The following HTR1E variants were observed in gnomAD, a reference collection of about 807,000 sequenced individuals.
The protein encoded by HTR1E is 5-hydroxytryptamine receptor 1E, also known as 5-HT-1E.
A neutral mutation model predicts 3.4 loss-of-function variants in HTR1E; 3 were observed. That is an observed-to-expected ratio of 0.89 (90% confidence interval 0.41 to 2.31). The LOEUF is 2.31. Ranked by LOEUF, HTR1E falls within the 30% of genes most tolerant of loss-of-function variation. HTR1E has a pLI of 0.05. For synonymous variants in HTR1E, 170 were observed against 182.8 expected, an observed-to-expected ratio of 0.93 and a Z score of 0.56; for missense variants, 392 against 467.0, an observed-to-expected ratio of 0.84 and a Z score of 1.48.
At chr6:86,940,679 G>A (rs1269688015) in intron 1 of HTR1E, among the ~76,000 whole-genome samples, 1 of 151,968 alleles carries the variant, frequency 6.6e-6, no homozygotes, top group African/African-American at 2.4e-5. Flanking sequence ...TTTCATGTTT[G>A]TTTTGATTGC....
intron 1 of HTR1E, among the ~76,000 whole-genome samples, chr6:86,969,753 C>T (rs138250528): frequency 2.6e-5 from 4 of 152,308 alleles, no homozygotes; most frequent in Admixed American, 6.5e-5. Context: ...AGGTCCCACA[C>T]GTGACCTAGG....
chr6:86,978,013 C>T (rs1582269402), intron 1 of HTR1E, among the ~76,000 whole-genome samples: 1 of 152,078 alleles, frequency 6.6e-6, no homozygotes, highest in South Asian at 2.1e-4. Flanking sequence ...TTGATAGTGT[C>T]TTTTACTCAC....
Position 87,015,295 on chromosome 6 carries a change from C to A in HTR1E, c.-40C>A. On this transcript the variant is annotated 5_prime_UTR_variant, in exon 2 of 2. Transcript: ENST00000305344. ...ATAGTTTTCAGCCAAAGGAAAATAA[C>A]CAACAGCTTCTCCACAGTGTAGACT... 6.8e-7 allele frequency: 1 copy of A among 1,465,830 alleles called. No homozygotes were observed. Among genetic ancestry groups the A allele is most frequent in the African/African-American group, 1.4e-5 (1 of 70,984 alleles). The allele number at this position is 1,465,830 out of a possible 1,614,324, so 90.8% of individuals were successfully genotyped here.
chr6:86,970,113 C>G (rs750940713), intron 1 of HTR1E, among the ~76,000 whole-genome samples: 3 of 152,202 alleles, frequency 2.0e-5, no homozygotes, highest in Non-Finnish European at 4.4e-5. Context: ...ACTGCAACTT[C>G]TTAACAGCTC....
chr6:86,956,588 C>T (rs1204484865), intron 1 of HTR1E, among the ~76,000 whole-genome samples: 1 of 152,140 alleles, frequency 6.6e-6, no homozygotes, highest in Non-Finnish European at 1.5e-5. Flanking sequence ...TTGATGTCTG[C>T]TTGTAACTTC....
intron 1 of HTR1E, among the ~76,000 whole-genome samples, chr6:86,977,561 G>A (rs1360511232): frequency 3.9e-5 from 6 of 152,178 alleles, no homozygotes; most frequent in Non-Finnish European, 7.3e-5. Context: ...TAATGGGATT[G>A]CTGGGTCTAA....
At chr6:86,997,590 A>G (rs994195903) in intron 1 of HTR1E, among the ~76,000 whole-genome samples, 3 of 151,894 alleles carry the variant, frequency 2.0e-5, no homozygotes, top group African/African-American at 7.2e-5. Flanking sequence ...GCCATTTGCA[A>G]TTATTCTAAA....
chr6:86,942,683 A>G (rs1768562337), intron 1 of HTR1E, among the ~76,000 whole-genome samples: 1 of 152,248 alleles, frequency 6.6e-6, no homozygotes, highest in South Asian at 2.1e-4. Flanking sequence ...CATATTGGCA[A>G]GCATATTTTA....
At chr6:86,979,711 C>CA (rs994668658) in intron 1 of HTR1E, among the ~76,000 whole-genome samples, 9 of 150,724 alleles carry the variant, frequency 6.0e-5, no homozygotes, top group African/African-American at 9.7e-5. Context: ...AGACACAATC[C>CA]AAAAAAAAGG....
At chr6:86,957,775 G>GA (rs1440777431) in intron 1 of HTR1E, among the ~76,000 whole-genome samples, 4 of 151,996 alleles carry the variant, frequency 2.6e-5, no homozygotes, top group Non-Finnish European at 2.9e-5. Context: ...TTGTTAAATG[G>GA]AAAAAAAGGG....
At position 87,010,266 on chromosome 6, in the gene HTR1E, C is replaced by T. The variant is rs1269002445; in HGVS notation, c.-185-4884C>T. 5.0e-4 allele frequency among the ~76,000 whole-genome samples: 57 copies of T among 114,316 alleles called. 1 individual carries two copies. Among genetic ancestry groups the T allele is most frequent in the Non-Finnish European group, 8.6e-5 (5 of 57,876 alleles). 75.0% of individuals were successfully genotyped at this position (114,316 alleles called of 152,430 possible). A position where few individuals can be genotyped will look rare whatever the true frequency, so the allele number is the denominator to read the frequency against. On this transcript the variant is annotated intron_variant, in intron 1 of 1. Transcript: ENST00000305344. ...TCACTTCTCAGTAGGGGCGGCCGGGCAGAGGTGCCCCTCACCTCCCGGACG... is the reference window on the plus strand; with the variant it reads ...TCACTTCTCAGTAGGGGCGGCCGGGTAGAGGTGCCCCTCACCTCCCGGACG...
chr6:86,947,624 G>A (rs368986798), intron 1 of HTR1E, among the ~76,000 whole-genome samples: 261 of 151,574 alleles, frequency 1.7e-3, no homozygotes, highest in African/African-American at 6.1e-3. Flanking sequence ...CTCTCTATAG[G>A]GAGAAAAGAG....
intron 1 of HTR1E, among the ~76,000 whole-genome samples, chr6:87,005,986 T>C (rs77099160): frequency 0.13 from 20,285 of 152,176 alleles, 2,191 homozygotes; most frequent in African/African-American, 0.29. Flanking sequence ...AGGTCTTCAA[T>C]ATCACTGATC....
intron 1 of HTR1E, among the ~76,000 whole-genome samples, chr6:86,989,744 T>C (rs796680168): frequency 5.9e-5 from 9 of 152,120 alleles, no homozygotes; most frequent in African/African-American, 1.9e-4. Context: ...ATTTTACAGA[T>C]AGGGAAACAG....
rs527351795 is a variant in HTR1E at position 87,012,078 on chromosome 6, T to C, written c.-185-3072T>C. ...ATGGGGTTCCCAACCTTAGGACATTTCCTAAGCGTGTTACGGAAGCAGTCT... is the reference window on the plus strand; with the variant it reads ...ATGGGGTTCCCAACCTTAGGACATTCCCTAAGCGTGTTACGGAAGCAGTCT... On this transcript the variant is annotated intron_variant, in intron 1 of 1. Transcript: ENST00000305344. Among the ~76,000 whole-genome samples the C allele has an allele frequency of 5.3e-5, 8 of 151,344 alleles. No individual in the cohort carries two copies. The South Asian group carries it at 1.7e-3, about 31-fold the overall frequency.
At chr6:86,955,744 G>GTA (rs1003461087) in intron 1 of HTR1E, among the ~76,000 whole-genome samples, 2 of 151,782 alleles carry the variant, frequency 1.3e-5, no homozygotes, top group Non-Finnish European at 2.9e-5. Context: ...GTGTGTGTGT[G>GTA]TATGTATGTG....
intron 1 of HTR1E, among the ~76,000 whole-genome samples, chr6:86,947,494 A>C (rs139799042): frequency 6.3e-4 from 96 of 152,084 alleles, no homozygotes; most frequent in African/African-American, 2.3e-3. Flanking sequence ...TCACATGTTC[A>C]TTGTAGAAAA....
rs754167574 is a variant in HTR1E, at chr6:87,015,780, T to A, written c.446T>A (p.Ile149Asn). Residue 149 changes from isoleucine to asparagine, a missense_variant, in exon 2 of 2, where the codon ATC becomes AAC. Ile to Asn is a moderately radical substitution (Grantham distance 149). This residue lies in a region of HTR1E where 189 missense variants were observed against 258.0 expected (regional missense o/e 0.73). Coordinates refer to ENST00000305344, the MANE Select transcript of HTR1E (RefSeq NM_000865.3). ...CTGATGATCCTTACCGTCTGGACCA[T>A]CTCCATTTTCATCTCCATGCCCCCT... ...AALMILTVWTISIFISMPPLF... is the reference protein window; with the variant it reads ...AALMILTVWTNSIFISMPPLF... 2 of 1,610,724 alleles carry A rather than the reference T, an allele frequency of 1.2e-6. No homozygotes were observed. Among genetic ancestry groups the A allele is most frequent in the South Asian group, 2.2e-5 (2 of 90,552 alleles).
At chr6:86,966,630 G>A (rs906586116) in intron 1 of HTR1E, among the ~76,000 whole-genome samples, 1 of 152,196 alleles carries the variant, frequency 6.6e-6, no homozygotes, top group Non-Finnish European at 1.5e-5. Flanking sequence ...GTACAGGGGT[G>A]TGTAAGACGG....
Sources: gnomAD v4.1 joint callset for allele counts (sites outside exome capture counted in the v4.1 genomes callset) on GRCh38, gnomAD v4.1.1 for gene constraint, gnomAD v4.1.1 regional missense constraint, MANE v1.5 for transcripts, NCBI Gene and HGNC (gene_info 2026-07-23, HGNC 2026-07-21) for gene names.